ST8SIA2: variants seen among roughly 807,000 people sequenced by gnomAD.
ST8SIA2 encodes alpha-2,8-sialyltransferase 8B.
Under a neutral mutation model 37.6 loss-of-function variants are expected in ST8SIA2, and 22 were observed. That is an observed-to-expected ratio of 0.58 (90% CI 0.42 to 0.83). The LOEUF (loss-of-function observed/expected upper bound fraction) is 0.83, where lower values mean the gene tolerates loss of function less well. Ranked by LOEUF, ST8SIA2 falls within the 40% of genes least tolerant of loss-of-function variation. The pLI, the probability that ST8SIA2 is intolerant of heterozygous loss-of-function variation, is 0.00. For synonymous variants in ST8SIA2, 205 were observed against 201.2 expected, an observed-to-expected ratio of 1.02 and a Z score of -0.16; for missense variants, 382 against 484.7, an observed-to-expected ratio of 0.79 and a Z score of 1.99.
rs2049993770 is a variant in ST8SIA2 at position 92,466,597 on chromosome 15, C to G, written c.*2212C>G. The G allele has an allele frequency of 6.6e-6, 1 of 152,252 alleles. No individual in the cohort carries two copies. Among genetic ancestry groups the G allele is most frequent in the Non-Finnish European group, 1.5e-5 (1 of 68,096 alleles). The allele number at this position is 152,252 out of a possible 1,614,324, so 9.4% of individuals were successfully genotyped here. A position where few individuals can be genotyped will look rare whatever the true frequency, so the allele number is the denominator to read the frequency against. ...GCCAGAACTCCTTGGGGGACCAGAA[C>G]ATGGTTTTCCTTCTGCCTATCTTAG... On this transcript the variant is annotated 3_prime_UTR_variant, in exon 6 of 6. Transcript: ENST00000268164.
intron 1 of ST8SIA2, chr15:92,421,119 G>C (rs2049630578): frequency 6.6e-6 from 1 of 152,192 alleles, no homozygotes. Flanking sequence ...CACCTATACT[G>C]TCACAATGGG....
chr15:92,394,308 C>G (rs1047767869), intron 1 of ST8SIA2, 146 bp downstream of exon 1: 1 of 786,496 alleles, frequency 1.3e-6, no homozygotes. Flanking sequence ...CAGAAGGTGG[C>G]GGCGACAGGG....
At chr15:92,431,348 G>A (rs1294070316) in intron 2 of ST8SIA2, among the ~76,000 whole-genome samples, 6 of 152,220 alleles carry the variant, frequency 3.9e-5, no homozygotes, top group Non-Finnish European at 1.5e-5. Flanking sequence ...CCTTAGGCAA[G>A]TGATTTTACC....
chr15:92,396,794 G>A (rs777483231), intron 1 of ST8SIA2, among the ~76,000 whole-genome samples: 4 of 152,156 alleles, frequency 2.6e-5, no homozygotes, highest in East Asian at 1.9e-4. Context: ...CGGCACAAGT[G>A]AGGTTTTAAC....
chr15:92,463,052 G>A (rs998937490), intron 5 of ST8SIA2, among the ~76,000 whole-genome samples: 1 of 152,244 alleles, frequency 6.6e-6, no homozygotes, highest in African/African-American at 2.4e-5. Context: ...GAAACATTAG[G>A]TTCAGCAGAG....
intron 5 of ST8SIA2, among the ~76,000 whole-genome samples, chr15:92,463,029 A>G (rs1222137917): frequency 6.6e-6 from 1 of 152,242 alleles, no homozygotes; most frequent in Non-Finnish European, 1.5e-5. Flanking sequence ...GTGACTCATC[A>G]TTGCATAAAT....
chr15:92,396,598 A>G (rs980487109), intron 1 of ST8SIA2, among the ~76,000 whole-genome samples: 1 of 151,798 alleles, frequency 6.6e-6, no homozygotes, highest in African/African-American at 2.4e-5. Flanking sequence ...GGTTCAAGCA[A>G]TTCTCCTGTT....
chr15:92,419,104 G>A (rs960113307), intron 1 of ST8SIA2, among the ~76,000 whole-genome samples: 1 of 152,116 alleles, frequency 6.6e-6, no homozygotes, highest in African/African-American at 2.4e-5. Flanking sequence ...GACCCAGGGA[G>A]CCCCAGTTCA....
At chr15:92,448,459 G>A (rs1596247102) in intron 5 of ST8SIA2, among the ~76,000 whole-genome samples, 1 of 152,244 alleles carries the variant, frequency 6.6e-6, no homozygotes, top group Non-Finnish European at 1.5e-5. Context: ...AAGACCAAGG[G>A]ATTGTAGAGA....
intron 1 of ST8SIA2, among the ~76,000 whole-genome samples, chr15:92,401,594 C>G (rs528079838): frequency 6.2e-4 from 94 of 152,300 alleles, no homozygotes; most frequent in African/African-American, 2.2e-3. Context: ...CTTTCAAGCA[C>G]TTGGGATCCC....
At chr15:92,453,392 T>G in intron 5 of ST8SIA2, among the ~76,000 whole-genome samples, 1 of 152,202 alleles carries the variant, frequency 6.6e-6, no homozygotes, top group East Asian at 1.9e-4. Context: ...GGATTCTCCA[T>G]ATTTGGGGTC....
intron 3 of ST8SIA2, among the ~76,000 whole-genome samples, chr15:92,437,141 C>T (rs149315728): frequency 1.3e-5 from 2 of 152,304 alleles, no homozygotes; most frequent in East Asian, 3.9e-4. Context: ...GAAAATTCTG[C>T]ACCTCCAGGA....
At chr15:92,428,947 G>T (rs2049695390) in intron 1 of ST8SIA2, among the ~76,000 whole-genome samples, 1 of 152,208 alleles carries the variant, frequency 6.6e-6, no homozygotes, top group Non-Finnish European at 1.5e-5. Flanking sequence ...ACACATGTGT[G>T]TGCACATACA....
rs1183377155 is a variant in ST8SIA2, at chr15:92,407,000, A to G, written c.98+12838A>G. ...CAAGAATGAAACCCTGTCTCAAAAA[A>G]AAAAAAAAGAAAAGAAAAAAAAAAA... is the stretch of plus-strand genomic sequence containing the variant. On this transcript the variant is annotated intron_variant, in intron 1 of 5. Coordinates refer to ENST00000268164, the MANE Select transcript of ST8SIA2 (RefSeq NM_006011.4). Among the ~76,000 whole-genome samples the G allele has an allele frequency of 1.4e-3, 203 of 149,720 alleles. 1 individual carries two copies. The highest frequency in any genetic ancestry group is 3.7e-4 in the Non-Finnish European group (25 of 67,866).
rs1414972816 is a variant in ST8SIA2, at chr15:92,467,334, C to T, written c.*2949C>T. ...CACACTGACTCCACCTGGGCTGGCTCCTGCCGCCTCTTCCCTACCTCCTCC... is the reference window on the plus strand; with the variant it reads ...CACACTGACTCCACCTGGGCTGGCTTCTGCCGCCTCTTCCCTACCTCCTCC... On this transcript the variant is annotated 3_prime_UTR_variant, in exon 6 of 6. Coordinates refer to ENST00000268164, the MANE Select transcript of ST8SIA2 (RefSeq NM_006011.4). 1.3e-5 allele frequency: 2 copies of T among 153,688 alleles called. No homozygotes were observed. Among genetic ancestry groups the T allele is most frequent in the Admixed American group, 6.5e-5 (1 of 15,290 alleles). The allele number at this position is 153,688 out of a possible 1,614,324, so 9.5% of individuals were successfully genotyped here. A position where few individuals can be genotyped will look rare whatever the true frequency, so the allele number is the denominator to read the frequency against.
At chr15:92,408,685 ATTTAT>A (rs1567211264) in intron 1 of ST8SIA2, among the ~76,000 whole-genome samples, 2 of 112,020 alleles carry the variant, frequency 1.8e-5, no homozygotes, top group East Asian at 9.6e-4. Context: ...TTTTTTATTT[ATTTAT>A]TTATTTATTT....
At position 92,468,290 on chromosome 15, in the gene ST8SIA2, C is replaced by A. The variant is rs2050007553; in HGVS notation, c.*3905C>A. ...TTCTCTATTCTGACATTACAGACCA[C>A]CGGATAAGGCCCCATTCTTCCTTTA... On this transcript the variant is annotated 3_prime_UTR_variant, in exon 6 of 6. Transcript: ENST00000268164. 1 of 152,684 alleles carries A rather than the reference C, an allele frequency of 6.5e-6. No homozygotes were observed. The highest frequency in any genetic ancestry group is 1.5e-5 in the Non-Finnish European group (1 of 68,066). The allele number at this position is 152,684 out of a possible 1,614,324, so 9.5% of individuals were successfully genotyped here. A position where few individuals can be genotyped will look rare whatever the true frequency, so the allele number is the denominator to read the frequency against.
At chr15:92,400,276 C>T (rs1368967750) in intron 1 of ST8SIA2, among the ~76,000 whole-genome samples, 1 of 152,188 alleles carries the variant, frequency 6.6e-6, no homozygotes, top group Non-Finnish European at 1.5e-5. Flanking sequence ...CATGGACATG[C>T]ATTTCACAAT....
At chr15:92,402,506 C>A (rs1596228296) in intron 1 of ST8SIA2, among the ~76,000 whole-genome samples, 1 of 152,258 alleles carries the variant, frequency 6.6e-6, no homozygotes, top group East Asian at 1.9e-4. Flanking sequence ...AAAACGATGT[C>A]TTAAATGACA....
Sources: allele counts gnomAD v4.1 joint callset (sites outside exome capture counted in the v4.1 genomes callset), GRCh38; gene constraint gnomAD v4.1.1; transcripts MANE v1.5; gene names NCBI Gene and HGNC (gene_info 2026-07-23, HGNC 2026-07-21).